BTD: variants seen among roughly 807,000 people sequenced by gnomAD.
The protein encoded by BTD is biocytinase.
BTD carries 13 observed loss-of-function variants against 17.7 expected under a neutral mutation model. That is an observed-to-expected ratio of 0.74 (90% CI 0.48 to 1.17). The LOEUF (loss-of-function observed/expected upper bound fraction) is 1.17. BTD is among the 50% of genes most tolerant of loss of function. The pLI is 0.00. For missense variants in BTD, 674 were observed against 650.4 expected (o/e 1.04, Z -0.39); for synonymous variants, 240 against 245.2 (o/e 0.98, Z 0.20).
At chr3:15,656,097 C>A (rs2065868541), downstream of BTD, among the ~76,000 whole-genome samples, 1 of 152,206 alleles carries the variant, frequency 6.6e-6, no homozygotes, top group Admixed American at 6.5e-5. Context: ...GCCACTGCAC[C>A]CAGCCTACTT....
intron 4 of BTD, among the ~76,000 whole-genome samples, chr3:15,719,258 G>A (rs2073428489): frequency 6.6e-6 from 1 of 152,086 alleles, no homozygotes; most frequent in African/African-American, 2.4e-5. Flanking sequence ...TTGACCCGTG[G>A]CATCATTAAA....
chr3:15,720,967 C>CCAT, intron 4 of BTD: 1 of 1,613,834 alleles, frequency 6.2e-7, no homozygotes, highest in Non-Finnish European at 8.5e-7. Flanking sequence ...ACACAATGCT[C>CCAT]CATGTGTTGA....
intron 1 of BTD, chr3:15,631,519 A>T (rs759907032): frequency 2.7e-6 from 4 of 1,501,088 alleles, no homozygotes; most frequent in Non-Finnish European, 3.6e-6. Context: ...CCTTGTGTGT[A>T]AAAATATCTA....
In BTD at chr3:15,704,727, T is replaced by C. The variant is rs116812011; in HGVS notation, c.400-5333T>C. Among the ~76,000 whole-genome samples the C allele has an allele frequency of 4.4e-3, 667 of 152,180 alleles. 3 individuals carry two copies. Among genetic ancestry groups the C allele is most frequent in the African/African-American group, 0.015 (634 of 41,526 alleles). Reference sequence around the variant, plus strand: ...AATATTTTTTACAATTTAAGAAAAATAAATCCTTTAATGCCACTGTTTAAG... The same window carrying C: ...AATATTTTTTACAATTTAAGAAAAACAAATCCTTTAATGCCACTGTTTAAG... On this transcript the variant is annotated intron_variant, in intron 3 of 3. Coordinates refer to the BTD transcript ENST00000672141.
At chr3:15,674,399 T>C (rs980297587) in intron 3 of BTD, among the ~76,000 whole-genome samples, 11 of 41,872 alleles carry the variant, frequency 2.6e-4, no homozygotes, top group African/African-American at 8.6e-4. Flanking sequence ...CCTGAGCCAC[T>C]GTTAAGAATG....
intron 1 of BTD, among the ~76,000 whole-genome samples, chr3:15,609,755 GC>G (rs1005111311): frequency 6.6e-6 from 1 of 151,814 alleles, no homozygotes; most frequent in African/African-American, 2.4e-5. Context: ...ATTATCTTTT[GC>G]TTTTTGATTT....
intron 3 of BTD, among the ~76,000 whole-genome samples, chr3:15,706,536 G>C (rs191310710): frequency 3.4e-3 from 522 of 152,194 alleles, no homozygotes; most frequent in Non-Finnish European, 5.7e-3. Context: ...TGTGAATAGT[G>C]TCACAATAAA....
chr3:15,610,240 G>A (rs758219822), intron 1 of BTD, among the ~76,000 whole-genome samples: 10 of 152,158 alleles, frequency 6.6e-5, no homozygotes, highest in Admixed American at 1.3e-4. Flanking sequence ...CTGGGATAGC[G>A]GGCATATTGC....
At chr3:15,692,506 G>A (rs2068941723) in intron 3 of BTD, among the ~76,000 whole-genome samples, 1 of 152,164 alleles carries the variant, frequency 6.6e-6, no homozygotes, top group Non-Finnish European at 1.5e-5. Flanking sequence ...ATAAATGGGA[G>A]CCATGATGAT....
Position 15,666,090 on chromosome 3 carries a change from TC to T in BTD, c.399+24038del, listed in dbSNP as rs1229654054. 3.9e-5 allele frequency among the ~76,000 whole-genome samples: 6 copies of T among 152,240 alleles called. No individual in the cohort carries two copies. The East Asian group carries it at 9.6e-4, about 24-fold the overall frequency. ...ACTCCTGAGGGCAAACTATGTTACC[TC>T]CCCCTTTACTGCTGTATGCCAAGAG... On this transcript the variant is annotated intron_variant, in intron 3 of 3. Transcript: ENST00000672141.
chr3:15,611,174 C>T (rs1478992255), intron 1 of BTD, among the ~76,000 whole-genome samples: 1 of 152,152 alleles, frequency 6.6e-6, no homozygotes, highest in Non-Finnish European at 1.5e-5. Context: ...AGTGGTCACG[C>T]GTCCACACAT....
At chr3:15,689,942 G>A in intron 3 of BTD, 3 of 1,299,170 alleles carry the variant, frequency 2.3e-6, no homozygotes, top group Non-Finnish European at 3.1e-6. Flanking sequence ...CAATTAACTG[G>A]AAATATTATA....
At chr3:15,639,643 A>G (rs2065446467) in intron 2 of BTD, among the ~76,000 whole-genome samples, 1 of 152,200 alleles carries the variant, frequency 6.6e-6, no homozygotes, top group Non-Finnish European at 1.5e-5. Flanking sequence ...ACAGTACCCT[A>G]GTATAATTTG....
exon 4 of BTD, among the ~76,000 whole-genome samples, chr3:15,711,775 C>T (rs944929984): frequency 2.6e-5 from 4 of 152,006 alleles, no homozygotes; most frequent in African/African-American, 4.8e-5. Flanking sequence ...CAACCTCTGC[C>T]TCCTGGGTTC....
At chr3:15,692,035 G>A (rs1220340840) in intron 3 of BTD, among the ~76,000 whole-genome samples, 2 of 151,846 alleles carry the variant, frequency 1.3e-5, no homozygotes, top group Non-Finnish European at 1.5e-5. Context: ...AGCTATGCAG[G>A]AGGCTGAGGC....
chr3:15,604,971 T>C (rs2064400950), intron 1 of BTD, among the ~76,000 whole-genome samples: 1 of 152,210 alleles, frequency 6.6e-6, no homozygotes, highest in African/African-American at 2.4e-5. Context: ...TCCAAGTCTC[T>C]AGGAAGTTCC....
chr3:15,692,595 T>C (rs948096040), intron 3 of BTD, among the ~76,000 whole-genome samples: 1 of 152,200 alleles, frequency 6.6e-6, no homozygotes. Flanking sequence ...ATGACTAAAA[T>C]TAGGAATCAA....
intron 3 of BTD, among the ~76,000 whole-genome samples, chr3:15,664,597 C>T (rs1345583828): frequency 1.3e-5 from 2 of 152,084 alleles, no homozygotes; most frequent in Non-Finnish European, 2.9e-5. Flanking sequence ...AGTTTTATCA[C>T]GGCTCTTATG....
At chr3:15,713,828 T>C (rs1304577378), downstream of BTD, among the ~76,000 whole-genome samples, 2 of 152,210 alleles carry the variant, frequency 1.3e-5, no homozygotes, top group African/African-American at 4.8e-5. Context: ...TTAAAGCAAT[T>C]GTGTGAATTA....
Sources: gnomAD v4.1 joint callset for allele counts (sites outside exome capture counted in the v4.1 genomes callset) on GRCh38, gnomAD v4.1.1 for gene constraint, MANE v1.5 for transcripts, NCBI Gene and HGNC (gene_info 2026-07-23, HGNC 2026-07-21) for gene names.